The following COIL variants were observed in gnomAD, a reference collection of about 807,000 sequenced individuals.
COIL encodes coilin, also known as coilin p80.
A neutral mutation model predicts 51.6 loss-of-function variants in COIL; 28 were observed. That is an observed-to-expected ratio of 0.54 (90% CI 0.40 to 0.74). The LOEUF is 0.74. COIL is among the 30% of genes least tolerant of loss of function. The probability of loss-of-function intolerance (pLI) is 0.00; values close to 1 mark genes in which losing one functional copy is unlikely to be tolerated. For synonymous variants in COIL, 233 were observed against 255.8 expected, an observed-to-expected ratio of 0.91 and a Z score of 0.85; for missense variants, 667 against 685.9, an observed-to-expected ratio of 0.97 and a Z score of 0.31.
intron 5 of COIL, among the ~76,000 whole-genome samples, chr17:56,942,812 G>A (rs749505243): frequency 2.0e-5 from 3 of 152,124 alleles, no homozygotes; most frequent in Admixed American, 6.6e-5. Context: ...CACCACACCC[G>A]GCCTCAGTCC....
chr17:56,949,611 G>A (rs1910315968), intron 3 of COIL, 70 bp downstream of exon 3: 6 of 1,473,906 alleles, frequency 4.1e-6, no homozygotes, highest in Non-Finnish European at 5.7e-6. Context: ...CATTTAACCT[G>A]ATTTTCTAAG....
At chr17:56,951,255 A>G (rs1910365039) in intron 1 of COIL, among the ~76,000 whole-genome samples, 1 of 152,088 alleles carries the variant, frequency 6.6e-6, no homozygotes, top group Non-Finnish European at 1.5e-5. Flanking sequence ...TCTCTAATCT[A>G]AACACCAACA....
Position 56,955,743 on chromosome 17 carries a change from A to G in COIL, c.246-4747T>C, listed in dbSNP as rs116285096. Among the ~76,000 whole-genome samples, 1,399 of 152,296 alleles carry G rather than the reference A, an allele frequency of 9.2e-3. 33 individuals are homozygous for G. The highest frequency in any genetic ancestry group is 0.032 in the African/African-American group (1,325 of 41,560). ...TAGTACAATGAATGTTGTTAGTCCT[A>G]TCATGGGTAAGTTGGTGAATTTTTA... On this transcript the variant is annotated intron_variant, in intron 1 of 6. Transcript: ENST00000240316.
At chr17:56,942,807 C>A (rs1050603385) in intron 5 of COIL, among the ~76,000 whole-genome samples, 1 of 152,162 alleles carries the variant, frequency 6.6e-6, no homozygotes, top group Non-Finnish European at 1.5e-5. Flanking sequence ...TGAGCCACCA[C>A]ACCCGGCCTC....
At position 56,946,334 on chromosome 17, in the gene COIL, G is replaced by A. The variant is rs142008041; in HGVS notation, c.1558+108C>T. On this transcript the variant is annotated intron_variant, in intron 5 of 6. Transcript: ENST00000240316. ...AAGTGTGCTGAAAGAAGTGGGGAGC[G>A]CCAGTTATATGGAGGCCAAGGAAGA... 452 of 678,720 alleles carry A rather than the reference G, an allele frequency of 6.7e-4. 1 individual carries two copies. In the East Asian group the frequency reaches 0.01, roughly 15 times the overall value. 42.0% of individuals were successfully genotyped at this position (678,720 alleles called of 1,614,324 possible).
rs753983444 is a variant in COIL, at chr17:56,949,970, G to A, written c.1272C>T (p.Ser424=). The A allele has an allele frequency of 6.2e-7, 1 of 1,614,146 alleles. No homozygotes were observed. The change falls in exon 2 of 7, where the codon TCC becomes TCT. Residue 424 remains serine (S), a synonymous_variant. Transcript: ENST00000240316. Reference sequence around the variant, plus strand: ...TGTCAGTGCTTCTATTTACAACACAGGAAACAGGATGCCCTCGTCCTCGAC... The same window carrying A: ...TGTCAGTGCTTCTATTTACAACACAAGAAACAGGATGCCCTCGTCCTCGAC... The part of the protein sequence containing the change: ...GRGRGRGHPV[S]CVVNRSTDNQ...
At position 56,960,820 on chromosome 17, in the gene COIL, G is replaced by T; in HGVS notation, c.200C>A (p.Pro67His). 1 of 1,592,688 alleles carries T rather than the reference G, an allele frequency of 6.3e-7. No homozygotes were observed. The highest frequency in any genetic ancestry group is 8.5e-7 in the Non-Finnish European group (1 of 1,171,534). ...CACAAGGCGCGCGCTCTCGGCGGGG[G>T]GCAAGAGCCCCCCCTCCAGGTAGAG... ...LGLYLEGGLL[P>H]PAESARLVRD... Residue 67 changes from proline to histidine, a missense_variant, in exon 1 of 7, where the codon CCC (proline) becomes CAC (histidine). Transcript: ENST00000240316.
chr17:56,947,631 A>G (rs1910275067), intron 4 of COIL, among the ~76,000 whole-genome samples: 3 of 151,800 alleles, frequency 2.0e-5, no homozygotes, highest in Admixed American at 6.6e-5. Flanking sequence ...CCACCATGCC[A>G]GGCTCATTTT....
chr17:56,952,451 T>A, intron 1 of COIL: 1 of 344,496 alleles, frequency 2.9e-6, no homozygotes, highest in Non-Finnish European at 5.6e-6. Context: ...GGAAAAAAAA[T>A]TATGCTGGGA....
Position 56,960,815 on chromosome 17 carries a change from C to T in COIL, c.205G>A (p.Ala69Thr). 3 of 1,585,344 alleles carry T rather than the reference C, an allele frequency of 1.9e-6. No individual in the cohort carries two copies. The highest frequency in any genetic ancestry group is 2.6e-6 in the Non-Finnish European group (3 of 1,168,416). The change falls in exon 1 of 7, where the codon GCC becomes ACC. Residue 69 changes from alanine to threonine, a missense_variant. Physicochemically the swap from Ala to Thr is moderately conservative, Grantham distance 58. Transcript: ENST00000240316. ...TCTCTCACAAGGCGCGCGCTCTCGG[C>T]GGGGGGCAAGAGCCCCCCCTCCAGG... is the stretch of plus-strand genomic sequence containing the variant. ...LYLEGGLLPP[A>T]ESARLVRDND...
chr17:56,951,943 G>A (rs1598096896), intron 1 of COIL, among the ~76,000 whole-genome samples: 1 of 152,022 alleles, frequency 6.6e-6, no homozygotes, highest in Non-Finnish European at 1.5e-5. Context: ...TGGAATTACA[G>A]GCGCCTGCCA....
chr17:56,950,276 C>T lies in COIL; in HGVS notation c.966G>A (p.Glu322=), dbSNP rs1480614290. The T allele has an allele frequency of 1.2e-6, 2 of 1,614,230 alleles. No individual in the cohort carries two copies. Among genetic ancestry groups the T allele is most frequent in the Non-Finnish European group, 1.7e-6 (2 of 1,180,036 alleles). ...TTSSSSDSSA[E]SDDQCLMSSS... ...ATGACATCAAGCATTGGTCGTCTGA[C>T]TCTGCACTAGAGTCTGAACTGGAAG... The change falls in exon 2 of 7, where the codon GAG becomes GAA. Residue 322 remains glutamate, a synonymous_variant. Transcript: ENST00000240316.
intron 1 of COIL, among the ~76,000 whole-genome samples, chr17:56,960,274 AGCACTTTGAGAGGCCGATGCAAGCGGATC>A (rs1910563229): frequency 6.6e-6 from 1 of 151,822 alleles, no homozygotes; most frequent in Non-Finnish European, 1.5e-5. Flanking sequence ...CTGCAATCCC[AGCACTTTGAGAGGCCGATGCAAGCGGATC>A]AACTGAGGTC....
chr17:56,940,231 C>A (rs1392657545), intron 6 of COIL: 1 of 152,380 alleles, frequency 6.6e-6, no homozygotes, highest in Admixed American at 6.6e-5. Context: ...CCCACCACCC[C>A]CAAAGGTGGC....
chr17:56,938,318 T>C lies in COIL; in HGVS notation c.*753A>G, dbSNP rs1910078945. On this transcript the variant is annotated 3_prime_UTR_variant, in exon 7 of 7. Transcript: ENST00000240316. ...GCCATTTTAGCTTCGTAGTGAATAA[T>C]AACAGAAAAGGAAGTTTCTGTTCAA... 6.6e-6 allele frequency: 1 copy of C among 152,348 alleles called. No homozygotes were observed. Among genetic ancestry groups the C allele is most frequent in the South Asian group, 2.1e-4 (1 of 4,832 alleles). The allele number at this position is 152,348 out of a possible 1,614,324, so 9.4% of individuals were successfully genotyped here. A position where few individuals can be genotyped will look rare whatever the true frequency, so the allele number is the denominator to read the frequency against.
At position 56,957,605 on chromosome 17, in the gene COIL, G is replaced by C. The variant is rs528775115; in HGVS notation, c.245+3170C>G. 2.0e-3 allele frequency among the ~76,000 whole-genome samples: 311 copies of C among 152,184 alleles called. 2 individuals are homozygous for C. Among genetic ancestry groups the C allele is most frequent in the African/African-American group, 7.2e-3 (297 of 41,532 alleles). ...CCACTGCACTCCAGCCTGGGCAACA[G>C]AGTGAGACTCTGTCTCAAGAAAAAT... On this transcript the variant is annotated intron_variant, in intron 1 of 6. Transcript: ENST00000240316.
chr17:56,953,279 C>T (rs554531361), intron 1 of COIL, among the ~76,000 whole-genome samples: 40 of 151,798 alleles, frequency 2.6e-4, no homozygotes, highest in Admixed American at 5.3e-4. Context: ...GGCGTGGTGG[C>T]GGGCGCCTGT....
At chr17:56,948,999 C>G (rs558729570) in intron 4 of COIL, among the ~76,000 whole-genome samples, 1 of 152,148 alleles carries the variant, frequency 6.6e-6, no homozygotes, top group African/African-American at 2.4e-5. Flanking sequence ...ACTGGCTGGG[C>G]ATAGTGGCTC....
At chr17:56,954,573 A>G (rs1353386387) in intron 1 of COIL, among the ~76,000 whole-genome samples, 1 of 152,066 alleles carries the variant, frequency 6.6e-6, no homozygotes, top group African/African-American at 2.4e-5. Context: ...AAAATAAAAA[A>G]AAAAAGACCA....
Sources: gnomAD v4.1 joint callset for allele counts (sites outside exome capture counted in the v4.1 genomes callset) on GRCh38, gnomAD v4.1.1 for gene constraint, MANE v1.5 for transcripts, NCBI Gene and HGNC (gene_info 2026-07-23, HGNC 2026-07-21) for gene names.